TTLL11: variants seen among roughly 807,000 people sequenced by gnomAD.
TTLL11 encodes tubulin polyglutamylase TTLL11.
Under a neutral mutation model 51.7 loss-of-function variants are expected in TTLL11, and 42 were observed. The ratio of observed to expected loss-of-function variants is 0.81; its 90% CI spans 0.64 to 1.05. TTLL11 has a LOEUF of 1.05. Among genes scored for constraint, TTLL11 ranks in the 50% least tolerant of loss-of-function variants. The probability of loss-of-function intolerance (pLI) is 0.00; values close to 1 mark genes in which losing one functional copy is unlikely to be tolerated. For synonymous variants in TTLL11, 381 were observed against 383.5 expected (o/e 0.99, Z 0.08); for missense variants, 799 against 940.4 (o/e 0.85, Z 1.97).
chr9:121,926,474 G>A (rs1398167075), intron 6 of TTLL11, among the ~76,000 whole-genome samples: 4 of 152,202 alleles, frequency 2.6e-5, no homozygotes, highest in South Asian at 2.1e-4. Flanking sequence ...AGAACAACCC[G>A]ATGATGGGCA....
intron 1 of TTLL11, among the ~76,000 whole-genome samples, chr9:122,052,227 C>T (rs1202014774): frequency 6.6e-6 from 1 of 152,200 alleles, no homozygotes; most frequent in African/African-American, 2.4e-5. Context: ...TCTCAGTGAA[C>T]AGCACTGCTC....
intron 6 of TTLL11, chr9:121,963,645 T>C (rs1291607498): frequency 1.3e-5 from 2 of 152,212 alleles, no homozygotes; most frequent in African/African-American, 2.4e-5. Context: ...CTGATGGCCC[T>C]GTGGAATGAC....
chr9:121,925,428 G>A (rs1030990366), intron 6 of TTLL11, among the ~76,000 whole-genome samples: 15 of 53,694 alleles, frequency 2.8e-4, no homozygotes, highest in East Asian at 1.4e-3. Flanking sequence ...AGCTGCGCCC[G>A]CCCACCCCAC....
chr9:121,928,668 T>C (rs1446197503), intron 6 of TTLL11, among the ~76,000 whole-genome samples: 1 of 152,070 alleles, frequency 6.6e-6, no homozygotes, highest in South Asian at 2.1e-4. Context: ...CTTGATTTCC[T>C]GACCTCATGG....
At chr9:121,998,027 C>A (rs1226330298) in intron 3 of TTLL11, among the ~76,000 whole-genome samples, 1 of 152,230 alleles carries the variant, frequency 6.6e-6, no homozygotes, top group Non-Finnish European at 1.5e-5. Flanking sequence ...CTGAGCCTGC[C>A]TGGAACATAA....
rs1843214396 is a variant in TTLL11, at chr9:121,995,154, C to A, written c.694-5384G>T. 6.6e-6 allele frequency among the ~76,000 whole-genome samples: 1 copy of A among 152,172 alleles called. No homozygotes were observed. Among genetic ancestry groups the A allele is most frequent in the African/African-American group, 2.4e-5 (1 of 41,440 alleles). ...GGGTCGTCAGGCCCCCAAGGATGGC[C>A]AAGGCCCTCGCAATGGGCCAGATTA... On this transcript the variant is annotated intron_variant, in intron 3 of 8. Transcript: ENST00000321582. This position sits in a 1 kb window ranked among gnomAD's most constrained non-coding sequence, Gnocchi z 4.4.
chr9:122,058,067 T>A (rs1383126463), intron 1 of TTLL11, among the ~76,000 whole-genome samples: 1 of 152,196 alleles, frequency 6.6e-6, no homozygotes, highest in Non-Finnish European at 1.5e-5. Context: ...GTTATTCTGC[T>A]GGAAGGAAAG....
At chr9:122,089,430 G>T (rs1846205197) in intron 1 of TTLL11, among the ~76,000 whole-genome samples, 1 of 152,164 alleles carries the variant, frequency 6.6e-6, no homozygotes, top group Non-Finnish European at 1.5e-5. Context: ...TCATGTGTTT[G>T]CACTTTGTTA....
intron 1 of TTLL11, among the ~76,000 whole-genome samples, chr9:122,050,957 C>T (rs888444268): frequency 2.0e-5 from 3 of 152,144 alleles, no homozygotes; most frequent in African/African-American, 7.2e-5. Context: ...AGATTCCTAA[C>T]CCTCAAAAAT....
At chr9:122,007,000 A>C (rs1048326722) in intron 3 of TTLL11, among the ~76,000 whole-genome samples, 27 of 149,326 alleles carry the variant, frequency 1.8e-4, no homozygotes, top group East Asian at 7.7e-4. Context: ...AAAAAAAAAA[A>C]AAAAAAAAAC....
intron 3 of TTLL11, among the ~76,000 whole-genome samples, chr9:122,027,956 TAGAAGTAAAAC>T (rs1844400545): frequency 6.6e-6 from 1 of 152,144 alleles, no homozygotes; most frequent in Non-Finnish European, 1.5e-5. Flanking sequence ...ATAATATTGT[TAGAAGTAAAAC>T]AGATGACGAT....
chr9:121,822,902 A>G lies in TTLL11; in HGVS notation c.1841-23T>C. The G allele has an allele frequency of 6.5e-7, 1 of 1,537,124 alleles. No individual in the cohort carries two copies. On this transcript the variant is annotated intron_variant, in intron 8 of 8. Coordinates refer to ENST00000321582, the MANE Select transcript of TTLL11 (RefSeq NM_001139442.2). This position sits in a 1 kb window ranked among gnomAD's most constrained non-coding sequence, Gnocchi z 5.8. ...TCCCTGTGAACAAAGAGACTGGATG[A>G]GGGGGTGCACACAGCTGCCCTACGC... is the stretch of plus-strand genomic sequence containing the variant.
intron 1 of TTLL11, among the ~76,000 whole-genome samples, chr9:122,079,686 G>A (rs1446157721): frequency 6.6e-6 from 1 of 151,480 alleles, no homozygotes. Context: ...TCCAGCCTGG[G>A]CGACAGAGCA....
At chr9:121,935,003 G>T (rs1841145395) in intron 6 of TTLL11, among the ~76,000 whole-genome samples, 1 of 152,148 alleles carries the variant, frequency 6.6e-6, no homozygotes, top group African/African-American at 2.4e-5. Flanking sequence ...CACCCAGGCT[G>T]CAGTGCAATG....
chr9:122,015,702 T>C (rs913401017), intron 3 of TTLL11, among the ~76,000 whole-genome samples: 1 of 151,764 alleles, frequency 6.6e-6, no homozygotes, highest in Non-Finnish European at 1.5e-5. Context: ...GGTAAGTTTC[T>C]CATGCTCCGA....
intron 3 of TTLL11, among the ~76,000 whole-genome samples, chr9:121,992,146 C>G (rs967244707): frequency 6.6e-6 from 1 of 152,134 alleles, no homozygotes; most frequent in Admixed American, 6.5e-5. Context: ...CCAGACTGCC[C>G]CAGTTTCAAA....
chr9:121,823,942 T>C (rs1195589497), intron 8 of TTLL11, among the ~76,000 whole-genome samples: 1 of 152,156 alleles, frequency 6.6e-6, no homozygotes, highest in Non-Finnish European at 1.5e-5. Context: ...CCGGCCCCGG[T>C]ACAGGATTCC....
intron 6 of TTLL11, among the ~76,000 whole-genome samples, chr9:121,935,973 C>G (rs1036244610): frequency 1.1e-4 from 16 of 152,298 alleles, no homozygotes; most frequent in Admixed American, 7.2e-4. Context: ...GGAAAAGCAG[C>G]CTTAGGTAGT....
intron 1 of TTLL11, among the ~76,000 whole-genome samples, chr9:122,071,516 C>A (rs1845727449): frequency 6.6e-6 from 1 of 152,150 alleles, no homozygotes; most frequent in Admixed American, 6.5e-5. Context: ...CCTCTTTGGG[C>A]CACTCCCTCA....
Sources: gnomAD v4.1 joint callset for allele counts (sites outside exome capture counted in the v4.1 genomes callset) on GRCh38, gnomAD v4.1.1 for gene constraint, Gnocchi (gnomAD v3.1) non-coding constraint, MANE v1.5 for transcripts, NCBI Gene and HGNC (gene_info 2026-07-23, HGNC 2026-07-21) for gene names.